ADARB2: variants seen among roughly 807,000 people sequenced by gnomAD.
ADARB2 encodes adenosine deaminase RNA specific B2 (inactive).
ADARB2 carries 25 observed loss-of-function variants against 62.2 expected under a neutral mutation model. That is an observed-to-expected ratio of 0.40 (90% CI 0.29 to 0.56). ADARB2 has a LOEUF of 0.56. Ranked by LOEUF, ADARB2 falls within the 20% of genes least tolerant of loss-of-function variation. The pLI is 0.43. For synonymous variants in ADARB2, 572 were observed against 500.8 expected (o/e 1.14, Z -1.90); for missense variants, 1,071 against 1,077.4 (o/e 0.99, Z 0.08).
At chr10:1,555,657 G>A (rs11250620) in intron 1 of ADARB2, among the ~76,000 whole-genome samples, 35,382 of 152,168 alleles carry the variant, frequency 0.23, 4,332 homozygotes, top group African/African-American at 0.26. Flanking sequence ...TATATGGGCC[G>A]GGCGCGGTGG....
chr10:1,432,246 C>G (rs907076951), intron 1 of ADARB2, among the ~76,000 whole-genome samples: 1 of 152,050 alleles, frequency 6.6e-6, no homozygotes, highest in African/African-American at 2.4e-5. Flanking sequence ...AAACATAGCT[C>G]TCAGGGTGTC....
chr10:1,477,498 G>A lies in ADARB2; in HGVS notation c.101-98338C>T, dbSNP rs12766524. On this transcript the variant is annotated intron_variant, in intron 1 of 9. Transcript: ENST00000381312. This position sits in a 1 kb window ranked among gnomAD's most constrained non-coding sequence, Gnocchi z 4.5. ...CATTGCTTTCTTGCAACGTATCTTC[G>A]TGCTTTCTCTAATAAATCTGCCTTC... Among the ~76,000 whole-genome samples the A allele has an allele frequency of 1.4e-3, 212 of 152,050 alleles. 1 individual carries two copies. The highest frequency in any genetic ancestry group is 2.9e-3 in the South Asian group (14 of 4,808).
intron 1 of ADARB2, among the ~76,000 whole-genome samples, chr10:1,390,847 GGATCA>G (rs1564277357): frequency 6.6e-6 from 1 of 152,196 alleles, no homozygotes; most frequent in Non-Finnish European, 1.5e-5. Context: ...CTGCAAGCTG[GGATCA>G]GAACTGTGAG....
chr10:1,457,809 C>T (rs1450559528), intron 1 of ADARB2, among the ~76,000 whole-genome samples: 2 of 152,212 alleles, frequency 1.3e-5, no homozygotes, highest in Non-Finnish European at 1.5e-5. Flanking sequence ...GAATCTCACC[C>T]TGACAATGTC....
chr10:1,641,054 G>A (rs1389113954), intron 1 of ADARB2, among the ~76,000 whole-genome samples: 4 of 152,144 alleles, frequency 2.6e-5, no homozygotes, highest in Admixed American at 6.5e-5. Context: ...AGTTATCTTT[G>A]CTAAAAGGAA....
At chr10:1,578,747 C>G (rs1319975812) in intron 1 of ADARB2, among the ~76,000 whole-genome samples, 1 of 16,784 alleles carries the variant, frequency 6.0e-5, no homozygotes, top group Non-Finnish European at 3.9e-3. Context: ...ACGCCGCACA[C>G]AGGTACCTAT....
intron 1 of ADARB2, among the ~76,000 whole-genome samples, chr10:1,631,349 C>G (rs1588330767): frequency 6.6e-6 from 1 of 152,044 alleles, no homozygotes; most frequent in Non-Finnish European, 1.5e-5. Context: ...CCAGCTTTAG[C>G]CAGCGGGGAC....
intron 1 of ADARB2, among the ~76,000 whole-genome samples, chr10:1,401,493 G>T (rs1832662460): frequency 6.6e-6 from 1 of 152,174 alleles, no homozygotes; most frequent in South Asian, 2.1e-4. Flanking sequence ...GGGGCCTCCG[G>T]TGATGGTCCC....
intron 1 of ADARB2, among the ~76,000 whole-genome samples, chr10:1,427,740 A>C (rs191878727): frequency 3.2e-4 from 48 of 152,310 alleles, no homozygotes; most frequent in Admixed American, 1.1e-3. Context: ...ATCCTGGAGG[A>C]ATGGAAATTT....
chr10:1,191,901 C>T (rs915434828), intron 8 of ADARB2, among the ~76,000 whole-genome samples: 2 of 152,108 alleles, frequency 1.3e-5, no homozygotes, highest in Admixed American at 6.5e-5. Flanking sequence ...GTGTGGCTTC[C>T]GACAAGTGAA....
chr10:1,217,151 A>C (rs1233594940), intron 6 of ADARB2, 32 bp from the exon 7 acceptor site: 1 of 1,529,376 alleles, frequency 6.5e-7, no homozygotes, highest in African/African-American at 1.4e-5. Context: ...AGGGGTGAGA[A>C]GAGGGAAGCC....
At chr10:1,597,575 C>T (rs139883764) in intron 1 of ADARB2, among the ~76,000 whole-genome samples, 18 of 152,306 alleles carry the variant, frequency 1.2e-4, no homozygotes, top group East Asian at 5.8e-4. Flanking sequence ...AATGGGACAT[C>T]GTCTCACACC....
At chr10:1,715,164 A>G (rs1564202716) in intron 1 of ADARB2, among the ~76,000 whole-genome samples, 1 of 152,168 alleles carries the variant, frequency 6.6e-6, no homozygotes, top group Non-Finnish European at 1.5e-5. Flanking sequence ...TGCTTTTATT[A>G]GAAAGCAAGA....
chr10:1,435,273 C>A (rs115434759), intron 1 of ADARB2, among the ~76,000 whole-genome samples: 2,471 of 152,302 alleles, frequency 0.016, 47 homozygotes, highest in African/African-American at 0.048. Context: ...GGGGCTCAGG[C>A]CTGCTTCCAA....
intron 1 of ADARB2, among the ~76,000 whole-genome samples, chr10:1,729,028 T>A (rs1377674642): frequency 6.6e-6 from 1 of 152,242 alleles, no homozygotes; most frequent in African/African-American, 2.4e-5. Flanking sequence ...GGCATAGAAT[T>A]CTGAGAATTT....
intron 1 of ADARB2, among the ~76,000 whole-genome samples, chr10:1,638,820 C>T (rs1323527706): frequency 6.6e-6 from 1 of 152,218 alleles, no homozygotes; most frequent in Non-Finnish European, 1.5e-5. Context: ...AAAATCACCA[C>T]TCATCACTCA....
chr10:1,261,894 A>G (rs970616290), intron 4 of ADARB2, among the ~76,000 whole-genome samples: 3 of 149,294 alleles, frequency 2.0e-5, no homozygotes, highest in Admixed American at 6.6e-5. Context: ...AACCAAGCCA[A>G]ATGTCCAACA....
At chr10:1,546,431 C>G (rs1348061501) in intron 1 of ADARB2, among the ~76,000 whole-genome samples, 1 of 152,220 alleles carries the variant, frequency 6.6e-6, no homozygotes, top group Non-Finnish European at 1.5e-5. Flanking sequence ...AAAATTACCA[C>G]CTGCAACTCG....
In ADARB2 at chr10:1,362,949, A is replaced by T. The variant is rs1588232645; in HGVS notation, c.1077+79T>A. The T allele has an allele frequency of 1.5e-5, 18 of 1,217,620 alleles. 1 individual carries two copies. In the East Asian group the frequency reaches 5.8e-4, roughly 39 times the overall value. The allele number at this position is 1,217,620 out of a possible 1,614,324, so 75.4% of individuals were successfully genotyped here. On this transcript the variant is annotated intron_variant, in intron 3 of 9. Transcript: ENST00000381312. ...TCCTTCTCCGAGAAGCCTGGACGCCACTCCCAACAGGGAAAGGTCGGGGTC... is the reference window on the plus strand; with the variant it reads ...TCCTTCTCCGAGAAGCCTGGACGCCTCTCCCAACAGGGAAAGGTCGGGGTC...
Sources: allele counts gnomAD v4.1 joint callset (sites outside exome capture counted in the v4.1 genomes callset), GRCh38; gene constraint gnomAD v4.1.1; non-coding constraint Gnocchi (gnomAD v3.1); transcripts MANE v1.5; gene names NCBI Gene and HGNC (gene_info 2026-07-23, HGNC 2026-07-21).